MAGI2: variants seen among roughly 807,000 people sequenced by gnomAD.
MAGI2 encodes membrane-associated guanylate kinase, WW and PDZ domain-containing protein 2.
In MAGI2, 35 loss-of-function variants were observed where a neutral mutation model predicts 133.3. The observed-to-expected ratio is 0.26, with a 90% CI of 0.20 to 0.35. The LOEUF (loss-of-function observed/expected upper bound fraction) is 0.35, where lower values mean the gene tolerates loss of function less well. Ranked by LOEUF, MAGI2 falls within the 10% of genes least tolerant of loss-of-function variation. The pLI is 1.00. For synonymous variants in MAGI2, 729 were observed against 710.6 expected (o/e 1.03, Z -0.41); for missense variants, 1,636 against 1,863.4 (o/e 0.88, Z 2.25).
chr7:78,414,526 C>A lies in MAGI2; in HGVS notation c.1046-45313G>T, dbSNP rs1305611173. Among the ~76,000 whole-genome samples, 3 of 151,860 alleles carry A rather than the reference C, an allele frequency of 2.0e-5. No individual in the cohort carries two copies. The East Asian group carries it at 5.8e-4, about 29-fold the overall frequency. On this transcript the variant is annotated intron_variant, in intron 6 of 21. Coordinates refer to ENST00000354212, the MANE Select transcript of MAGI2 (RefSeq NM_012301.4). ...ATATATATTATGCTTATTAGTAGGA[C>A]AAAATTCAATAACTCCTAATTTTAA...
chr7:79,345,553 G>A (rs536737638), intron 1 of MAGI2, among the ~76,000 whole-genome samples: 4 of 152,046 alleles, frequency 2.6e-5, no homozygotes, highest in Admixed American at 2.6e-4. Context: ...AAGTCTTAAG[G>A]TTAGATTTTG....
intron 2 of MAGI2, among the ~76,000 whole-genome samples, chr7:78,686,846 C>A (rs1816373904): frequency 6.6e-6 from 1 of 152,106 alleles, no homozygotes; most frequent in Non-Finnish European, 1.5e-5. Flanking sequence ...AAAGGGAAAC[C>A]TTTTCTAATC....
intron 12 of MAGI2, among the ~76,000 whole-genome samples, chr7:78,186,360 G>C (rs1159706619): frequency 6.6e-6 from 1 of 152,120 alleles, no homozygotes; most frequent in Non-Finnish European, 1.5e-5. Flanking sequence ...GGTTCTGGAA[G>C]TATTGGGAGA....
chr7:78,594,884 T>C (rs1311044837), intron 3 of MAGI2, among the ~76,000 whole-genome samples: 1 of 152,200 alleles, frequency 6.6e-6, no homozygotes, highest in Non-Finnish European at 1.5e-5. Flanking sequence ...TCCCATTAAG[T>C]AAATTTACTA....
At chr7:78,768,674 A>G (rs567585979) in intron 2 of MAGI2, among the ~76,000 whole-genome samples, 1 of 152,346 alleles carries the variant, frequency 6.6e-6, no homozygotes, top group South Asian at 2.1e-4. Context: ...CCTAGTGTGG[A>G]GATGACTCCA....
chr7:78,610,838 C>A, intron 3 of MAGI2, among the ~76,000 whole-genome samples: 1 of 152,064 alleles, frequency 6.6e-6, no homozygotes, highest in East Asian at 1.9e-4. Context: ...AAGAGCAAAG[C>A]GAGTCATCCC....
In MAGI2 at chr7:78,938,487, C is replaced by T. The variant is rs1419471071; in HGVS notation, c.418+68603G>A. 2.0e-5 allele frequency among the ~76,000 whole-genome samples: 3 copies of T among 151,816 alleles called. No homozygotes were observed. The East Asian group carries it at 5.8e-4, about 30-fold the overall frequency. On this transcript the variant is annotated intron_variant, in intron 2 of 21. Coordinates refer to ENST00000354212, the MANE Select transcript of MAGI2 (RefSeq NM_012301.4). Reference sequence around the variant, plus strand: ...TTGTTTATATTTCTCAGGGTTTTTCCTCTTAAATTTTCTGGTATCACCAGA... The same window carrying T: ...TTGTTTATATTTCTCAGGGTTTTTCTTCTTAAATTTTCTGGTATCACCAGA...
chr7:79,170,137 C>CTTTTTTTTTT lies in MAGI2; in HGVS notation c.302-162941_302-162932dup, dbSNP rs10539344. 3.8e-3 allele frequency among the ~76,000 whole-genome samples: 164 copies of CTTTTTTTTTT among 42,950 alleles called. 14 individuals are homozygous for CTTTTTTTTTT. The highest frequency in any genetic ancestry group is 0.023 in the East Asian group (25 of 1,078). The allele number at this position is 42,950 out of a possible 152,430, so 28.2% of individuals were successfully genotyped here. A position where few individuals can be genotyped will look rare whatever the true frequency, so the allele number is the denominator to read the frequency against. On this transcript the variant is annotated intron_variant, in intron 1 of 21. Coordinates refer to ENST00000354212, the MANE Select transcript of MAGI2 (RefSeq NM_012301.4). ...TCAATGGTTACTTTGAGATATTATA[C>CTTTTTTTTTT]TTTTTTTTTTTTTTTTTTTTTTTTT...
intron 2 of MAGI2, among the ~76,000 whole-genome samples, chr7:78,871,296 C>T (rs1290078468): frequency 6.6e-6 from 1 of 151,804 alleles, no homozygotes; most frequent in African/African-American, 2.4e-5. Flanking sequence ...GGGGACAGAG[C>T]GAGACTCCAT....
At chr7:78,040,389 G>C (rs1192961921) in intron 21 of MAGI2, among the ~76,000 whole-genome samples, 1 of 152,176 alleles carries the variant, frequency 6.6e-6, no homozygotes, top group Non-Finnish European at 1.5e-5. Flanking sequence ...GCGGCCCCTG[G>C]TCGTGCCGCA....
intron 1 of MAGI2, among the ~76,000 whole-genome samples, chr7:79,285,656 C>A (rs1388200272): frequency 6.6e-6 from 1 of 152,042 alleles, no homozygotes; most frequent in East Asian, 1.9e-4. Flanking sequence ...ACACTAAAAT[C>A]TTGAGTCCAT....
chr7:79,086,904 T>C (rs1816552759), intron 1 of MAGI2, among the ~76,000 whole-genome samples: 1 of 151,762 alleles, frequency 6.6e-6, no homozygotes, highest in Non-Finnish European at 1.5e-5. Flanking sequence ...GACATTTTAG[T>C]CCACATTTCT....
At chr7:78,734,529 G>C (rs1821666754) in intron 2 of MAGI2, among the ~76,000 whole-genome samples, 1 of 152,092 alleles carries the variant, frequency 6.6e-6, no homozygotes, top group African/African-American at 2.4e-5. Flanking sequence ...TCATTCCTTT[G>C]TCAAGTGAAT....
intron 3 of MAGI2, among the ~76,000 whole-genome samples, chr7:78,528,985 GT>G (rs899265871): frequency 1.1e-3 from 155 of 146,318 alleles, no homozygotes; most frequent in South Asian, 1.5e-3. Flanking sequence ...GGGAATGTTT[GT>G]TTTTTTTTTC....
At chr7:79,001,820 A>G (rs1333554714) in intron 2 of MAGI2, among the ~76,000 whole-genome samples, 1 of 152,182 alleles carries the variant, frequency 6.6e-6, no homozygotes, top group African/African-American at 2.4e-5. Context: ...CACATTTAAC[A>G]TGCTGTGATG....
At chr7:79,174,988 T>C (rs1271243562) in intron 1 of MAGI2, among the ~76,000 whole-genome samples, 1 of 151,868 alleles carries the variant, frequency 6.6e-6, no homozygotes, top group African/African-American at 2.4e-5. Flanking sequence ...GGCCAAGTAA[T>C]TCCATTTTGT....
At chr7:79,229,252 A>AT (rs1831144148) in intron 1 of MAGI2, among the ~76,000 whole-genome samples, 1 of 152,130 alleles carries the variant, frequency 6.6e-6, no homozygotes, top group African/African-American at 2.4e-5. Flanking sequence ...GATATCTCAC[A>AT]TATCTTTGAA....
intron 10 of MAGI2, among the ~76,000 whole-genome samples, chr7:78,220,276 CACCTCTGAA>C (rs1279021749): frequency 2.6e-5 from 4 of 152,138 alleles, no homozygotes; most frequent in Non-Finnish European, 5.9e-5. Context: ...TCTCATGCAC[CACCTCTGAA>C]ATGCTGTCAC....
chr7:78,273,218 A>G (rs2150990873), intron 9 of MAGI2, among the ~76,000 whole-genome samples: 1 of 152,272 alleles, frequency 6.6e-6, no homozygotes, highest in Non-Finnish European at 1.5e-5. Context: ...TGGGCTGGAG[A>G]TGAAATTCTG....
Sources: gnomAD v4.1 joint callset for allele counts (sites outside exome capture counted in the v4.1 genomes callset) on GRCh38, gnomAD v4.1.1 for gene constraint, MANE v1.5 for transcripts, NCBI Gene and HGNC (gene_info 2026-07-23, HGNC 2026-07-21) for gene names.